Variants in CLMN observed in about 807,000 individuals in gnomAD.
CLMN encodes calmin, also known as calmin (calponin-like, transmembrane).
CLMN carries 57 observed loss-of-function variants against 92.7 expected under a neutral mutation model. That is an observed-to-expected ratio of 0.61 (90% CI 0.50 to 0.77). CLMN has a LOEUF of 0.77. Ranked by LOEUF, CLMN falls within the 30% of genes least tolerant of loss-of-function variation. The pLI is 0.00. For synonymous variants in CLMN, 466 were observed against 470.6 expected (o/e 0.99, Z 0.13); for missense variants, 1,158 against 1,237.5 (o/e 0.94, Z 0.96).
chr14:95,217,548 AGT>A (rs1897389783), intron 4 of CLMN, among the ~76,000 whole-genome samples: 1 of 152,230 alleles, frequency 6.6e-6, no homozygotes, highest in African/African-American at 2.4e-5. Context: ...ATTCAGGTTC[AGT>A]ACTATCTCCG....
intron 8 of CLMN, among the ~76,000 whole-genome samples, chr14:95,208,235 G>A (rs1897099572): frequency 6.6e-6 from 1 of 152,126 alleles, no homozygotes; most frequent in Non-Finnish European, 1.5e-5. Context: ...CAAGGCCAGG[G>A]ACCTCAGCCA....
intron 1 of CLMN, among the ~76,000 whole-genome samples, chr14:95,230,398 A>G (rs555272533): frequency 8.5e-5 from 13 of 152,230 alleles, no homozygotes; most frequent in Admixed American, 2.0e-4. Flanking sequence ...CAATTCAAAC[A>G]TTTAGACATC....
rs1896529168 is a variant in CLMN at position 95,190,240 on chromosome 14, T to C, written c.*1324A>G. The C allele has an allele frequency of 6.6e-6, 1 of 152,262 alleles. No individual in the cohort carries two copies. Among genetic ancestry groups the C allele is most frequent in the Admixed American group, 6.5e-5 (1 of 15,292 alleles). 9.4% of individuals were successfully genotyped at this position (152,262 alleles called of 1,614,324 possible). A position where few individuals can be genotyped will look rare whatever the true frequency, so the allele number is the denominator to read the frequency against. ...TTATCTTTTTCTCAGGACATTGGTG[T>C]GCCCAGTGGAAGTTTCCTACAAGGG... On this transcript the variant is annotated 3_prime_UTR_variant, in exon 13 of 13. Transcript: ENST00000298912.
At chr14:95,195,358 TGGGAGTCAAAG>T (rs1896678150) in intron 10 of CLMN, among the ~76,000 whole-genome samples, 2 of 152,220 alleles carry the variant, frequency 1.3e-5, no homozygotes, top group Non-Finnish European at 2.9e-5. Context: ...ACAGGCACGC[TGGGAGTCAAAG>T]GCCAAGTGGG....
At chr14:95,219,630 A>G (rs1820854197) in intron 4 of CLMN, among the ~76,000 whole-genome samples, 1 of 152,092 alleles carries the variant, frequency 6.6e-6, no homozygotes, top group Admixed American at 6.5e-5. Flanking sequence ...GGAAGATGCC[A>G]TTTGCCTACA....
intron 1 of CLMN, among the ~76,000 whole-genome samples, chr14:95,307,107 A>G (rs1901317519): frequency 1.3e-5 from 2 of 152,178 alleles, no homozygotes; most frequent in African/African-American, 4.8e-5. Context: ...ACCTCACTGA[A>G]TGTTCTAGCA....
intron 1 of CLMN, among the ~76,000 whole-genome samples, chr14:95,280,236 A>T (rs1900095225): frequency 6.6e-6 from 1 of 152,230 alleles, no homozygotes; most frequent in Admixed American, 6.5e-5. Context: ...ACAGTTTTGA[A>T]AATATTACCT....
intron 3 of CLMN, among the ~76,000 whole-genome samples, chr14:95,223,152 T>C (rs1897602144): frequency 6.6e-6 from 1 of 152,220 alleles, no homozygotes; most frequent in Admixed American, 6.5e-5. Context: ...AGTTAGATAC[T>C]AAATGTCCTG....
intron 9 of CLMN, among the ~76,000 whole-genome samples, chr14:95,201,707 G>T (rs1056374762): frequency 6.6e-6 from 1 of 151,858 alleles, no homozygotes; most frequent in African/African-American, 2.4e-5. Context: ...GCATGCATTA[G>T]ATATTTGTCC....
intron 4 of CLMN, among the ~76,000 whole-genome samples, chr14:95,218,830 T>C (rs1009096139): frequency 6.6e-6 from 1 of 152,258 alleles, no homozygotes; most frequent in Admixed American, 6.5e-5. Flanking sequence ...GAGGCTTTAA[T>C]GTTCCTTGAC....
chr14:95,278,619 A>T (rs1258786293), intron 1 of CLMN, among the ~76,000 whole-genome samples: 1 of 152,218 alleles, frequency 6.6e-6, no homozygotes, highest in East Asian at 1.9e-4. Flanking sequence ...GTGTTACCTG[A>T]CCTTTTTTAA....
Position 95,193,849 on chromosome 14 carries a change from C to T in CLMN, c.2840G>A (p.Arg947Lys), listed in dbSNP as rs763523572. Residue 947 changes from arginine to lysine, a missense_variant and splice_region_variant, in exon 12 of 13, where the codon AGG (arginine) becomes AAG (lysine). Physicochemically the swap from Arg to Lys is conservative, Grantham distance 26. Coordinates refer to ENST00000298912, the MANE Select transcript of CLMN (RefSeq NM_024734.4). The part of the protein sequence containing the change: ...LDDRRNRILT[R>K]KANSSGEAMS... ...CAAAACCTGAAGTAAAGCCACCAAC[C>T]TGGTTAATATTCGGTTTCTTCTGTC... 3.7e-6 allele frequency: 6 copies of T among 1,613,862 alleles called. No individual in the cohort carries two copies. In the South Asian group the frequency reaches 4.4e-5, roughly 12 times the overall value.
chr14:95,267,735 G>A (rs1279730897), intron 1 of CLMN, among the ~76,000 whole-genome samples: 2 of 152,138 alleles, frequency 1.3e-5, no homozygotes, highest in Non-Finnish European at 2.9e-5. Context: ...ATTTATTTCA[G>A]CACTATTCAC....
chr14:95,260,541 T>G (rs1899210682), intron 1 of CLMN: 1 of 152,236 alleles, frequency 6.6e-6, no homozygotes, highest in South Asian at 2.1e-4. Flanking sequence ...AGTGGAGACG[T>G]TATCTTAGAC....
At chr14:95,274,037 T>C (rs1899822103) in intron 1 of CLMN, among the ~76,000 whole-genome samples, 1 of 152,328 alleles carries the variant, frequency 6.6e-6, no homozygotes, top group African/African-American at 2.4e-5. Flanking sequence ...CCTTTACCGA[T>C]GTAGTTCTCA....
chr14:95,293,221 CTTCT>C lies in CLMN; in HGVS notation c.82+26486_82+26489del, dbSNP rs548689759. 2.7e-3 allele frequency among the ~76,000 whole-genome samples: 251 copies of C among 92,534 alleles called. 2 individuals carry two copies. The highest frequency in any genetic ancestry group is 4.5e-3 in the Non-Finnish European group (202 of 45,104). The allele number at this position is 92,534 out of a possible 152,430, so 60.7% of individuals were successfully genotyped here. A position where few individuals can be genotyped will look rare whatever the true frequency, so the allele number is the denominator to read the frequency against. On this transcript the variant is annotated intron_variant, in intron 1 of 12. Transcript: ENST00000298912. ...CCCCCCTTCCTTCCCTCCCTCCTTCCTTCTTTTCCTCCCTCCCTCCTTCCTTCCC... is the reference window on the plus strand; with the variant it reads ...CCCCCCTTCCTTCCCTCCCTCCTTCCTTTCCTCCCTCCCTCCTTCCTTCCC...
intron 1 of CLMN, among the ~76,000 whole-genome samples, chr14:95,302,858 T>C (rs1197690805): frequency 6.6e-6 from 1 of 152,154 alleles, no homozygotes; most frequent in Admixed American, 6.5e-5. Flanking sequence ...TTCAAACACC[T>C]CCTCTTTTCA....
chr14:95,188,386 G>A lies in CLMN; in HGVS notation c.*3178C>T, dbSNP rs1260181336. 1 of 151,976 alleles carries A rather than the reference G, an allele frequency of 6.6e-6. No individual in the cohort carries two copies. The highest frequency in any genetic ancestry group is 6.5e-5 in the Admixed American group (1 of 15,272). 9.4% of individuals were successfully genotyped at this position (151,976 alleles called of 1,614,324 possible). The stretch of plus-strand genomic sequence containing the variant: ...ATCCACGCATCAAGAGCAGGACACT[G>A]TAAAACAAAGACAGGATAATAACCA... On this transcript the variant is annotated 3_prime_UTR_variant, in exon 13 of 13. Coordinates refer to ENST00000298912, the MANE Select transcript of CLMN (RefSeq NM_024734.4).
intron 7 of CLMN, among the ~76,000 whole-genome samples, chr14:95,210,124 C>T (rs1347069013): frequency 2.6e-5 from 4 of 152,088 alleles, no homozygotes; most frequent in African/African-American, 9.7e-5. Flanking sequence ...ACGATCTCAG[C>T]TCACTGCAAC....
Sources: gnomAD v4.1 joint callset for allele counts (sites outside exome capture counted in the v4.1 genomes callset) on GRCh38, gnomAD v4.1.1 for gene constraint, MANE v1.5 for transcripts, NCBI Gene and HGNC (gene_info 2026-07-23, HGNC 2026-07-21) for gene names.